LHFPL3: variants seen among roughly 807,000 people sequenced by gnomAD.
LHFPL3 encodes LHFPL tetraspan subfamily member 3.
A neutral mutation model predicts 19.3 loss-of-function variants in LHFPL3; 5 were observed. The ratio of observed to expected loss-of-function variants is 0.26; its 90% confidence interval spans 0.14 to 0.54. The LOEUF is 0.54. Ranked by LOEUF, LHFPL3 falls within the 20% of genes least tolerant of loss-of-function variation. The pLI is 0.94. For synonymous variants in LHFPL3, 133 were observed against 126.2 expected, an observed-to-expected ratio of 1.05 and a Z score of -0.36; for missense variants, 249 against 307.4, an observed-to-expected ratio of 0.81 and a Z score of 1.42.
chr7:104,626,959 T>C (rs994757587), intron 1 of LHFPL3, among the ~76,000 whole-genome samples: 1 of 152,170 alleles, frequency 6.6e-6, no homozygotes, highest in Non-Finnish European at 1.5e-5. Context: ...AACATATCCA[T>C]TACTTCTCTT....
intron 2 of LHFPL3, among the ~76,000 whole-genome samples, chr7:104,902,598 C>A (rs1303656431): frequency 1.3e-5 from 2 of 151,592 alleles, no homozygotes; most frequent in Non-Finnish European, 2.9e-5. Context: ...ACCAGCCTGG[C>A]CAACATGGTG....
intron 1 of LHFPL3, among the ~76,000 whole-genome samples, chr7:104,432,385 C>T (rs1234681645): frequency 3.3e-5 from 5 of 152,306 alleles, no homozygotes; most frequent in East Asian, 1.9e-4. Context: ...CTTCCTAAAA[C>T]ACTCTTACCT....
At chr7:104,346,873 G>A (rs1424985616) in intron 1 of LHFPL3, among the ~76,000 whole-genome samples, 1 of 149,658 alleles carries the variant, frequency 6.7e-6, no homozygotes, top group Non-Finnish European at 1.5e-5. Context: ...TCATAAGATT[G>A]GAAATAATTT....
intron 1 of LHFPL3, among the ~76,000 whole-genome samples, chr7:104,517,881 G>A (rs1213215552): frequency 6.6e-6 from 1 of 152,062 alleles, no homozygotes; most frequent in Admixed American, 6.6e-5. Flanking sequence ...TGGGGACCTG[G>A]GGGAGGGATA....
chr7:104,535,928 C>T (rs772460250), intron 1 of LHFPL3, among the ~76,000 whole-genome samples: 3 of 152,210 alleles, frequency 2.0e-5, no homozygotes, highest in Non-Finnish European at 2.9e-5. Flanking sequence ...CATACCTCAA[C>T]GACCTTTGGG....
intron 1 of LHFPL3, among the ~76,000 whole-genome samples, chr7:104,573,181 G>C (rs1415890572): frequency 1.3e-5 from 2 of 152,180 alleles, no homozygotes; most frequent in Non-Finnish European, 2.9e-5. Context: ...GGGAGGCCAA[G>C]GCGGGCGGAT....
intron 1 of LHFPL3, among the ~76,000 whole-genome samples, chr7:104,443,346 T>A (rs568924170): frequency 6.6e-6 from 1 of 152,294 alleles, no homozygotes; most frequent in Non-Finnish European, 1.5e-5. Flanking sequence ...ACAAGAGGAA[T>A]CCATGACCAT....
At chr7:104,496,314 G>A (rs1793479518) in intron 1 of LHFPL3, among the ~76,000 whole-genome samples, 1 of 152,102 alleles carries the variant, frequency 6.6e-6, no homozygotes, top group African/African-American at 2.4e-5. Flanking sequence ...CTTTTTTATG[G>A]CTGCATAGTA....
At chr7:104,529,289 G>T (rs1428525313) in intron 1 of LHFPL3, among the ~76,000 whole-genome samples, 1 of 152,134 alleles carries the variant, frequency 6.6e-6, no homozygotes, top group Non-Finnish European at 1.5e-5. Context: ...TCAAACACCA[G>T]ATTTCTCACA....
intron 2 of LHFPL3, among the ~76,000 whole-genome samples, chr7:104,898,152 G>A (rs1199173338): frequency 6.6e-6 from 1 of 151,552 alleles, no homozygotes; most frequent in Non-Finnish European, 1.5e-5. Flanking sequence ...TGGGATTACA[G>A]GCACCCACCA....
At chr7:104,878,815 T>C (rs1028484161) in intron 2 of LHFPL3, among the ~76,000 whole-genome samples, 1 of 152,152 alleles carries the variant, frequency 6.6e-6, no homozygotes, top group Non-Finnish European at 1.5e-5. Context: ...AAATGGAAAG[T>C]GCTACTCCAG....
At chr7:104,626,973 A>AT (rs993317665) in intron 1 of LHFPL3, among the ~76,000 whole-genome samples, 1 of 152,016 alleles carries the variant, frequency 6.6e-6, no homozygotes, top group Non-Finnish European at 1.5e-5. Context: ...TTCTCTTACC[A>AT]TTTTTTTGTG....
intron 1 of LHFPL3, among the ~76,000 whole-genome samples, chr7:104,396,480 T>C (rs1791186693): frequency 6.6e-6 from 1 of 151,526 alleles, no homozygotes; most frequent in Non-Finnish European, 1.5e-5. Flanking sequence ...GAGGATAGGG[T>C]TAAATACTAT....
chr7:104,458,596 C>T (rs918661764), intron 1 of LHFPL3, among the ~76,000 whole-genome samples: 5 of 151,854 alleles, frequency 3.3e-5, no homozygotes, highest in South Asian at 2.1e-4. Flanking sequence ...CTTGGCGATG[C>T]GGGCTCTTTT....
At chr7:104,464,059 A>G (rs531190387) in intron 1 of LHFPL3, among the ~76,000 whole-genome samples, 1 of 152,250 alleles carries the variant, frequency 6.6e-6, no homozygotes, top group Non-Finnish European at 1.5e-5. Context: ...ACAATGGGGT[A>G]CAGACATTGG....
At chr7:104,693,198 G>A (rs1792936947) in intron 1 of LHFPL3, among the ~76,000 whole-genome samples, 1 of 152,184 alleles carries the variant, frequency 6.6e-6, no homozygotes, top group Non-Finnish European at 1.5e-5. Context: ...TCCAATGCCT[G>A]TACCCCCATT....
At chr7:104,889,656 A>C (rs550989422) in intron 2 of LHFPL3, among the ~76,000 whole-genome samples, 2 of 152,238 alleles carry the variant, frequency 1.3e-5, no homozygotes, top group East Asian at 1.9e-4. Flanking sequence ...AAAAACAAGG[A>C]AAGTATTGGC....
chr7:104,606,141 G>C (rs779420193), intron 1 of LHFPL3, among the ~76,000 whole-genome samples: 1 of 152,106 alleles, frequency 6.6e-6, no homozygotes, highest in African/African-American at 2.4e-5. Context: ...GATTACAGGC[G>C]TGAGCCACCA....
At chr7:104,474,182 A>G (rs1792962653) in intron 1 of LHFPL3, among the ~76,000 whole-genome samples, 1 of 152,158 alleles carries the variant, frequency 6.6e-6, no homozygotes, top group Non-Finnish European at 1.5e-5. Context: ...ATTCCAGCCT[A>G]GTTTAGTTCA....
Sources: gnomAD v4.1 joint callset for allele counts (sites outside exome capture counted in the v4.1 genomes callset) on GRCh38, gnomAD v4.1.1 for gene constraint, MANE v1.5 for transcripts, NCBI Gene and HGNC (gene_info 2026-07-23, HGNC 2026-07-21) for gene names.